The following C12orf56 variants were observed in gnomAD, a reference collection of about 807,000 sequenced individuals.
C12orf56 encodes chromosome 12 open reading frame 56, also known as uncharacterized protein C12orf56.
C12orf56 carries 71 observed loss-of-function variants against 69.9 expected under a neutral mutation model. The ratio of observed to expected loss-of-function variants is 1.02; its 90% CI spans 0.84 to 1.24. The LOEUF (loss-of-function observed/expected upper bound fraction) is 1.24. C12orf56 is among the 50% of genes most tolerant of loss of function. C12orf56 has a pLI of 0.00. For missense variants in C12orf56, 732 were observed against 738.5 expected (o/e 0.99, Z 0.10); for synonymous variants, 276 against 274.1 (o/e 1.01, Z -0.07).
At chr12:64,344,770 T>C (rs1030113588) in intron 2 of C12orf56, among the ~76,000 whole-genome samples, 2 of 152,046 alleles carry the variant, frequency 1.3e-5, no homozygotes, top group Non-Finnish European at 2.9e-5. Flanking sequence ...CTGGGATGAG[T>C]AGCTCTAAAA....
chr12:64,296,572 T>C (rs1340745879), intron 6 of C12orf56, among the ~76,000 whole-genome samples: 2 of 152,158 alleles, frequency 1.3e-5, no homozygotes, highest in Non-Finnish European at 2.9e-5. Flanking sequence ...CAATTGGTAA[T>C]TTGGACTTAT....
intron 3 of C12orf56, among the ~76,000 whole-genome samples, chr12:64,319,935 G>A (rs1000817132): frequency 6.6e-6 from 1 of 151,998 alleles, no homozygotes; most frequent in African/African-American, 2.4e-5. Context: ...TGTTTGTTAC[G>A]GCTCGAGCTG....
intron 8 of C12orf56, among the ~76,000 whole-genome samples, chr12:64,280,552 T>A (rs2136757897): frequency 6.6e-6 from 1 of 152,266 alleles, no homozygotes; most frequent in African/African-American, 2.4e-5. Flanking sequence ...TCTGAATATG[T>A]TTGTCTGTCA....
intron 1 of C12orf56, among the ~76,000 whole-genome samples, chr12:64,386,390 A>ATC (rs2039789846): frequency 1.3e-5 from 1 of 76,444 alleles, no homozygotes; most frequent in African/African-American, 6.1e-5. Flanking sequence ...ATTTTTATAT[A>ATC]TATATATATT....
At chr12:64,305,567 G>A (rs1469015165) in intron 5 of C12orf56, among the ~76,000 whole-genome samples, 2 of 152,148 alleles carry the variant, frequency 1.3e-5, no homozygotes, top group African/African-American at 2.4e-5. Context: ...ATTTTTAGTA[G>A]AGATGAGGTT....
intron 3 of C12orf56, among the ~76,000 whole-genome samples, chr12:64,323,156 A>G (rs544156800): frequency 6.6e-6 from 1 of 152,290 alleles, no homozygotes; most frequent in East Asian, 1.9e-4. Context: ...CAGGGAGAGA[A>G]GATGCAATTG....
Position 64,358,234 on chromosome 12 carries a change from C to T in C12orf56, c.253-5178G>A, listed in dbSNP as rs191171310. 3.8e-4 allele frequency among the ~76,000 whole-genome samples: 57 copies of T among 151,904 alleles called. No individual in the cohort carries two copies. In the East Asian group the frequency reaches 5.6e-3, roughly 15 times the overall value. On this transcript the variant is annotated intron_variant, in intron 1 of 12. Coordinates refer to ENST00000543942, the MANE Select transcript of C12orf56 (RefSeq NM_001170633.2). ...CAACACTTTGGGAGGCCGAGGTGGG[C>T]GGATCACGAGGTCAGGAGTTCGAGA...
At chr12:64,308,940 G>GAAAAA (rs35488127) in intron 5 of C12orf56, among the ~76,000 whole-genome samples, 2 of 80,828 alleles carry the variant, frequency 2.5e-5, no homozygotes, top group African/African-American at 9.2e-5. Context: ...AAGAAAGAAA[G>GAAAAA]AAGAAAGAAA....
At chr12:64,297,893 A>G (rs1418547029) in intron 6 of C12orf56, among the ~76,000 whole-genome samples, 1 of 152,186 alleles carries the variant, frequency 6.6e-6, no homozygotes, top group Non-Finnish European at 1.5e-5. Flanking sequence ...TCCTTTGGGT[A>G]TATACCCACT....
intron 12 of C12orf56, among the ~76,000 whole-genome samples, chr12:64,268,279 AG>A (rs1234366352): frequency 1.3e-5 from 2 of 152,160 alleles, no homozygotes; most frequent in African/African-American, 4.8e-5. Context: ...GATGCACCTA[AG>A]GGGGTAGCTG....
At chr12:64,348,279 A>G (rs1428064384) in intron 2 of C12orf56, among the ~76,000 whole-genome samples, 4 of 152,156 alleles carry the variant, frequency 2.6e-5, no homozygotes, top group African/African-American at 9.7e-5. Flanking sequence ...CTCCATATGA[A>G]AAAAAAGCAG....
intron 3 of C12orf56, among the ~76,000 whole-genome samples, chr12:64,321,481 C>A (rs2038772255): frequency 6.6e-6 from 1 of 151,976 alleles, no homozygotes; most frequent in Non-Finnish European, 1.5e-5. Flanking sequence ...AGCTTGAAAT[C>A]TCTCTTTTAT....
At chr12:64,283,411 CAAAG>C (rs2038157085) in intron 8 of C12orf56, among the ~76,000 whole-genome samples, 2 of 152,156 alleles carry the variant, frequency 1.3e-5, no homozygotes, top group African/African-American at 4.8e-5. Context: ...AATCAAAAGA[CAAAG>C]AATGCTACTG....
At chr12:64,324,584 G>A (rs1219083732) in intron 3 of C12orf56, among the ~76,000 whole-genome samples, 1 of 152,232 alleles carries the variant, frequency 6.6e-6, no homozygotes, top group Admixed American at 6.5e-5. Flanking sequence ...ATGAACAAGA[G>A]AAGTAAGAGG....
intron 2 of C12orf56, chr12:64,338,812 C>A: frequency 1.8e-6 from 2 of 1,122,508 alleles, no homozygotes; most frequent in Non-Finnish European, 2.7e-6. Flanking sequence ...CAAAGCTAGG[C>A]CGGTGAGCAG....
chr12:64,300,430 A>G (rs566212411), intron 6 of C12orf56, among the ~76,000 whole-genome samples: 3 of 152,260 alleles, frequency 2.0e-5, no homozygotes, highest in Admixed American at 1.3e-4. Flanking sequence ...TGCTGATCCC[A>G]TTAGGAATAC....
chr12:64,370,562 A>G (rs2039557082), intron 1 of C12orf56, among the ~76,000 whole-genome samples: 1 of 151,988 alleles, frequency 6.6e-6, no homozygotes. Flanking sequence ...GAGGCATGAG[A>G]ATCGCTTGAG....
At chr12:64,279,003 C>A (rs1186371635) in intron 8 of C12orf56, among the ~76,000 whole-genome samples, 6 of 152,130 alleles carry the variant, frequency 3.9e-5, no homozygotes, top group Admixed American at 6.6e-5. Flanking sequence ...TTTTCTTTAT[C>A]CATTCACCCA....
At chr12:64,353,706 G>A (rs1320441812) in intron 1 of C12orf56, among the ~76,000 whole-genome samples, 1 of 152,000 alleles carries the variant, frequency 6.6e-6, no homozygotes, top group African/African-American at 2.4e-5. Flanking sequence ...TGTTGAGATG[G>A]AGTCTCTCTC....
Sources: gnomAD v4.1 joint callset for allele counts (sites outside exome capture counted in the v4.1 genomes callset) on GRCh38, gnomAD v4.1.1 for gene constraint, MANE v1.5 for transcripts, NCBI Gene and HGNC (gene_info 2026-07-23, HGNC 2026-07-21) for gene names.